ATRNL1: variants seen among roughly 807,000 people sequenced by gnomAD.
The protein encoded by ATRNL1 is attractin like 1, also known as attractin-like protein 1.
A neutral mutation model predicts 182.7 loss-of-function variants in ATRNL1; 95 were observed. That is an observed-to-expected ratio of 0.52 (90% CI 0.44 to 0.62). The LOEUF is 0.62. Ranked by LOEUF, ATRNL1 falls within the 20% of genes least tolerant of loss-of-function variation. ATRNL1 has a pLI of 0.00. For missense variants in ATRNL1, 1,471 were observed against 1,679.5 expected (o/e 0.88, Z 2.17); for synonymous variants, 576 against 568.3 (o/e 1.01, Z -0.19).
chr10:115,094,088 C>T (rs2084947910), intron 1 of ATRNL1, 45 bp downstream of exon 1: 1 of 1,327,258 alleles, frequency 7.5e-7, no homozygotes, highest in East Asian at 3.0e-5. Context: ...CTGCCTCGCT[C>T]CCGTCGCGGC....
chr10:115,902,644 A>G (rs1288196273), intron 28 of ATRNL1, among the ~76,000 whole-genome samples: 3 of 152,220 alleles, frequency 2.0e-5, no homozygotes, highest in South Asian at 2.1e-4. Context: ...AAATAGCTCA[A>G]TTCACAAATG....
intron 9 of ATRNL1, among the ~76,000 whole-genome samples, chr10:115,240,136 T>G (rs1043545376): frequency 3.3e-5 from 5 of 152,186 alleles, no homozygotes; most frequent in Non-Finnish European, 7.3e-5. Flanking sequence ...CTTAGCAAAA[T>G]TTTCTTAGGT....
At chr10:115,157,877 T>C (rs1846597698) in intron 5 of ATRNL1, among the ~76,000 whole-genome samples, 1 of 152,124 alleles carries the variant, frequency 6.6e-6, no homozygotes, top group Admixed American at 6.6e-5. Flanking sequence ...TTGATAAATA[T>C]ATTGGTGATT....
chr10:115,486,507 G>A (rs868935700), intron 24 of ATRNL1, among the ~76,000 whole-genome samples: 15 of 152,218 alleles, frequency 9.9e-5, no homozygotes, highest in Middle Eastern at 3.4e-3. Context: ...GTGATGATGA[G>A]CTTTTTTTCA....
At chr10:115,320,482 T>C (rs1432794161) in intron 18 of ATRNL1, among the ~76,000 whole-genome samples, 20 of 152,180 alleles carry the variant, frequency 1.3e-4, no homozygotes, top group African/African-American at 4.8e-4. Flanking sequence ...TATTCTGAAG[T>C]GTATTTTCCA....
intron 19 of ATRNL1, among the ~76,000 whole-genome samples, chr10:115,364,972 T>TA (rs1344059377): frequency 1.3e-3 from 197 of 151,474 alleles, no homozygotes; most frequent in African/African-American, 4.7e-3. Flanking sequence ...GATATTGGTC[T>TA]AAAATTCTCT....
At chr10:115,838,950 C>A (rs1229394562) in intron 27 of ATRNL1, among the ~76,000 whole-genome samples, 4 of 152,044 alleles carry the variant, frequency 2.6e-5, no homozygotes, top group Admixed American at 2.6e-4. Flanking sequence ...CTCTTTCATT[C>A]ATAGTTTTGT....
At chr10:115,106,495 A>G (rs1242366983) in intron 1 of ATRNL1, among the ~76,000 whole-genome samples, 1 of 151,918 alleles carries the variant, frequency 6.6e-6, no homozygotes, top group Non-Finnish European at 1.5e-5. Flanking sequence ...GGGCAGAATG[A>G]TATGGTTTGG....
chr10:115,664,091 G>T (rs1456895686), intron 26 of ATRNL1, among the ~76,000 whole-genome samples: 1 of 152,032 alleles, frequency 6.6e-6, no homozygotes, highest in East Asian at 1.9e-4. Context: ...CTTGATTCCT[G>T]TTCTCATTGA....
chr10:115,689,739 C>T (rs1593070614), intron 26 of ATRNL1, among the ~76,000 whole-genome samples: 1 of 152,264 alleles, frequency 6.6e-6, no homozygotes, highest in East Asian at 1.9e-4. Context: ...CAGAGATCAC[C>T]ATTCACAGCC....
At position 115,704,641 on chromosome 10, in the gene ATRNL1, C is replaced by G. The variant is rs538606437; in HGVS notation, c.3796-22607C>G. ...TGTTCCTTAAACTAAAATTTTTAAGCTAAAAAATGAAAGCTAACACACCTA... is the reference window on the plus strand; with the variant it reads ...TGTTCCTTAAACTAAAATTTTTAAGGTAAAAAATGAAAGCTAACACACCTA... On this transcript the variant is annotated intron_variant, in intron 26 of 28. Coordinates refer to ENST00000355044, the MANE Select transcript of ATRNL1 (RefSeq NM_207303.4). 1.7e-4 allele frequency among the ~76,000 whole-genome samples: 26 copies of G among 151,636 alleles called. No homozygotes were observed. The South Asian group carries it at 5.4e-3, about 32-fold the overall frequency.
intron 10 of ATRNL1, among the ~76,000 whole-genome samples, chr10:115,246,438 A>T (rs1347753254): frequency 6.6e-6 from 1 of 152,184 alleles, no homozygotes; most frequent in South Asian, 2.1e-4. Flanking sequence ...TCTGAGAGGT[A>T]TTTGAATTTC....
intron 27 of ATRNL1, among the ~76,000 whole-genome samples, chr10:115,828,293 G>T (rs1480608399): frequency 6.6e-6 from 1 of 151,664 alleles, no homozygotes; most frequent in Non-Finnish European, 1.5e-5. Context: ...CTCCAGCCTG[G>T]GCAACAAGAG....
At chr10:115,399,843 A>G (rs1844475533) in intron 20 of ATRNL1, among the ~76,000 whole-genome samples, 1 of 151,894 alleles carries the variant, frequency 6.6e-6, no homozygotes, top group Admixed American at 6.6e-5. Flanking sequence ...TTCCTGGAAG[A>G]CAACCTAGGC....
At chr10:115,590,328 A>C (rs2769413) in intron 26 of ATRNL1, among the ~76,000 whole-genome samples, 72,401 of 151,982 alleles carry the variant, frequency 0.48, 18,703 homozygotes, top group East Asian at 0.84. Context: ...TGTTTTTAAT[A>C]ATGATCTTAA....
intron 24 of ATRNL1, among the ~76,000 whole-genome samples, chr10:115,483,793 G>A (rs1848886200): frequency 2.0e-5 from 3 of 151,546 alleles, no homozygotes; most frequent in African/African-American, 7.3e-5. Context: ...TTATATGCTA[G>A]GTCAATGTTT....
At chr10:115,155,929 G>A (rs782716999) in intron 5 of ATRNL1, among the ~76,000 whole-genome samples, 1 of 151,994 alleles carries the variant, frequency 6.6e-6, no homozygotes, top group Non-Finnish European at 1.5e-5. Context: ...TCAGTGGTTG[G>A]GGTATCGTGG....
chr10:115,734,752 A>G (rs1947899494), intron 27 of ATRNL1, among the ~76,000 whole-genome samples: 1 of 152,060 alleles, frequency 6.6e-6, no homozygotes, highest in Non-Finnish European at 1.5e-5. Context: ...GTCTTTTGGT[A>G]ATATTTTTCA....
At chr10:115,789,788 G>A (rs1326350409) in intron 27 of ATRNL1, among the ~76,000 whole-genome samples, 2 of 152,162 alleles carry the variant, frequency 1.3e-5, no homozygotes, top group Admixed American at 6.5e-5. Flanking sequence ...GGAAAATTTT[G>A]CCTCGAAGTA....
Sources: allele counts gnomAD v4.1 joint callset (sites outside exome capture counted in the v4.1 genomes callset), GRCh38; gene constraint gnomAD v4.1.1; transcripts MANE v1.5; gene names NCBI Gene and HGNC (gene_info 2026-07-23, HGNC 2026-07-21).